The following GPATCH8 variants were observed in gnomAD, a reference collection of about 807,000 sequenced individuals.
GPATCH8 encodes G patch domain-containing protein 8.
In GPATCH8, 18 loss-of-function variants were observed where a neutral mutation model predicts 118.3. The ratio of observed to expected loss-of-function variants is 0.15; its 90% CI spans 0.11 to 0.23. The LOEUF is 0.23. Among genes scored for constraint, GPATCH8 ranks in the 10% least tolerant of loss-of-function variants. The pLI is 1.00. For synonymous variants in GPATCH8, 659 were observed against 684.7 expected (o/e 0.96, Z 0.59); for missense variants, 1,631 against 1,873.8 (o/e 0.87, Z 2.39).
At chr17:44,457,741 C>G (rs1372100107) in intron 3 of GPATCH8, among the ~76,000 whole-genome samples, 2 of 151,564 alleles carry the variant, frequency 1.3e-5, no homozygotes, top group African/African-American at 4.8e-5. Flanking sequence ...CGAGACCAGC[C>G]TGGAAGACTA....
Position 44,400,227 on chromosome 17 carries a change from A to G in GPATCH8, c.1850T>C (p.Val617Ala). Residue 617 changes from valine (V) to alanine (A), a missense_variant, in exon 8 of 8, where the codon GTG becomes GCG. This residue lies in a region of GPATCH8 where 6 missense variants were observed against 16.3 expected (regional missense o/e 0.37). Transcript: ENST00000591680. ...DPGEPNKSKEVGGEKIVRSSG... is the reference protein window; with the variant it reads ...DPGEPNKSKEAGGEKIVRSSG... Reference sequence around the variant, plus strand: ...GGAACGTACTATTTTCTCTCCGCCCACTTCCTTGCTTTTATTTGGCTCACC... The same window carrying G: ...GGAACGTACTATTTTCTCTCCGCCCGCTTCCTTGCTTTTATTTGGCTCACC... 1 of 1,613,718 alleles carries G rather than the reference A, an allele frequency of 6.2e-7. No individual in the cohort carries two copies. The highest frequency in any genetic ancestry group is 8.5e-7 in the Non-Finnish European group (1 of 1,179,944).
intron 6 of GPATCH8, among the ~76,000 whole-genome samples, chr17:44,409,828 T>C (rs1407894386): frequency 2.0e-5 from 3 of 152,232 alleles, no homozygotes; most frequent in Non-Finnish European, 4.4e-5. Flanking sequence ...CTTATCTTTA[T>C]AATCAACCCC....
chr17:44,491,048 TAG>T (rs1969206413), intron 1 of GPATCH8, among the ~76,000 whole-genome samples: 1 of 152,174 alleles, frequency 6.6e-6, no homozygotes, highest in East Asian at 1.9e-4. Flanking sequence ...TAGAAATTAG[TAG>T]AGACAAATTA....
intron 6 of GPATCH8, among the ~76,000 whole-genome samples, chr17:44,411,138 C>T (rs913731411): frequency 6.6e-6 from 1 of 152,146 alleles, no homozygotes; most frequent in African/African-American, 2.4e-5. Context: ...CAGAAACATT[C>T]TGCTCAGTGT....
intron 3 of GPATCH8, among the ~76,000 whole-genome samples, chr17:44,452,586 T>A (rs930229881): frequency 2.0e-5 from 3 of 152,258 alleles, no homozygotes; most frequent in Non-Finnish European, 2.9e-5. Flanking sequence ...CTCTTTCAAG[T>A]CCTTATCTAT....
intron 6 of GPATCH8, among the ~76,000 whole-genome samples, chr17:44,412,000 G>A (rs563892355): frequency 2.0e-4 from 30 of 152,178 alleles, no homozygotes; most frequent in African/African-American, 6.5e-4. Flanking sequence ...TCAGCTCACC[G>A]CAACCTCTGC....
intron 1 of GPATCH8, among the ~76,000 whole-genome samples, chr17:44,491,925 TC>T (rs1399882445): frequency 9.2e-5 from 14 of 152,218 alleles, no homozygotes; most frequent in African/African-American, 3.1e-4. Context: ...AAAGAAAATG[TC>T]CCAGGAGAAA....
chr17:44,497,699 G>T (rs575148708), intron 1 of GPATCH8, among the ~76,000 whole-genome samples: 8 of 148,446 alleles, frequency 5.4e-5, no homozygotes, highest in South Asian at 2.2e-4. Context: ...CAGCACTTTG[G>T]GGGGCTGAGG....
chr17:44,431,109 G>A (rs1448796737), intron 5 of GPATCH8, among the ~76,000 whole-genome samples: 5 of 151,534 alleles, frequency 3.3e-5, no homozygotes, highest in Non-Finnish European at 7.4e-5. Context: ...AGTGGCTCAC[G>A]CCTGTAATCC....
chr17:44,494,013 A>G (rs543684951), intron 1 of GPATCH8, among the ~76,000 whole-genome samples: 6 of 152,284 alleles, frequency 3.9e-5, no homozygotes, highest in African/African-American at 1.2e-4. Context: ...CCTTTCCTAC[A>G]ATGATCTTGC....
intron 5 of GPATCH8, among the ~76,000 whole-genome samples, chr17:44,433,051 T>A (rs1400323825): frequency 6.6e-6 from 1 of 152,090 alleles, no homozygotes; most frequent in Non-Finnish European, 1.5e-5. Flanking sequence ...TCTTGCTACA[T>A]TGCCCAGACT....
intron 3 of GPATCH8, among the ~76,000 whole-genome samples, chr17:44,447,455 C>G (rs1396505002): frequency 6.6e-6 from 1 of 152,100 alleles, no homozygotes; most frequent in Non-Finnish European, 1.5e-5. Context: ...CCGCACCCAG[C>G]CAATAAACTT....
At position 44,395,808 on chromosome 17, in the gene GPATCH8, AAT is replaced by A. The variant is rs2048759730; in HGVS notation, c.*1758_*1759del. On this transcript the variant is annotated 3_prime_UTR_variant, in exon 8 of 8. Transcript: ENST00000591680. ...CCAACCAACCAATTCTAGCCACACG[AAT>A]AGTTAGGAAAATGCCAAAGTGGGAA... The A allele has an allele frequency of 2.2e-6, 1 of 454,010 alleles. No homozygotes were observed. The highest frequency in any genetic ancestry group is 1.6e-5 in the South Asian group (1 of 64,484). 28.1% of individuals were successfully genotyped at this position (454,010 alleles called of 1,614,324 possible).
In GPATCH8 at chr17:44,397,906, T is replaced by TGGCGGCAGCAGC. The variant is rs1567920331; in HGVS notation, c.4159_4170dup (p.Ala1387_Ala1390dup). On this transcript the variant is annotated inframe_insertion, in exon 8 of 8. Coordinates refer to ENST00000591680, the MANE Select transcript of GPATCH8 (RefSeq NM_001002909.4). The stretch of plus-strand genomic sequence containing the variant: ...GGATGGGGGTGAGGGTGAATGCCGA[T>TGGCGGCAGCAGC]GGCGGCAGCAGCTGCGGCAGCATGA... 2.5e-6 allele frequency: 4 copies of TGGCGGCAGCAGC among 1,611,674 alleles called. No individual in the cohort carries two copies. The African/African-American group carries it at 5.3e-5, about 22-fold the overall frequency.
chr17:44,471,749 G>A (rs1967294324), intron 2 of GPATCH8, among the ~76,000 whole-genome samples: 1 of 151,804 alleles, frequency 6.6e-6, no homozygotes, highest in African/African-American at 2.4e-5. Context: ...TTATTTAGTG[G>A]GCATTCCTCA....
At chr17:44,463,336 TA>T (rs2051634256) in intron 3 of GPATCH8, among the ~76,000 whole-genome samples, 2 of 152,210 alleles carry the variant, frequency 1.3e-5, no homozygotes, top group Admixed American at 1.3e-4. Context: ...AGATGCCTAT[TA>T]TACAATAAGC....
rs398039127 is a variant in GPATCH8, at chr17:44,493,054, GT to G, written c.45+10271del. Among the ~76,000 whole-genome samples the G allele has an allele frequency of 1.0e-3, 128 of 124,364 alleles. 1 individual carries two copies. Among genetic ancestry groups the G allele is most frequent in the East Asian group, 1.6e-3 (7 of 4,326 alleles). The allele number at this position is 124,364 out of a possible 152,430, so 81.6% of individuals were successfully genotyped here. A position where few individuals can be genotyped will look rare whatever the true frequency, so the allele number is the denominator to read the frequency against. ...TAAACCAATGGTGGTAAGCCATTAGGTTTTTTTTTTTTTTTTTAAGACAGAG... is the reference window on the plus strand; with the variant it reads ...TAAACCAATGGTGGTAAGCCATTAGGTTTTTTTTTTTTTTTTAAGACAGAG... On this transcript the variant is annotated intron_variant, in intron 1 of 7. Coordinates refer to ENST00000591680, the MANE Select transcript of GPATCH8 (RefSeq NM_001002909.4).
chr17:44,431,637 A>C (rs2050319559), intron 5 of GPATCH8, among the ~76,000 whole-genome samples: 1 of 152,072 alleles, frequency 6.6e-6, no homozygotes, highest in African/African-American at 2.4e-5. Flanking sequence ...TTTGGCTCTA[A>C]GACTATATAC....
In GPATCH8 at chr17:44,395,676, TTG is replaced by T. The variant is rs754382178; in HGVS notation, c.*1890_*1891del. The T allele has an allele frequency of 4.4e-6, 2 of 453,884 alleles. No homozygotes were observed. The highest frequency in any genetic ancestry group is 8.8e-6 in the Non-Finnish European group (2 of 226,782). 28.1% of individuals were successfully genotyped at this position (453,884 alleles called of 1,614,324 possible). A position where few individuals can be genotyped will look rare whatever the true frequency, so the allele number is the denominator to read the frequency against. On this transcript the variant is annotated 3_prime_UTR_variant, in exon 8 of 8. Transcript: ENST00000591680. ...AGGAGGGTGGGAGGGCAGTCAAGAG[TTG>T]TGTTTGCCTGCCACTTTCTTTTCAT... is the stretch of plus-strand genomic sequence containing the variant.
Sources: allele counts gnomAD v4.1 joint callset (sites outside exome capture counted in the v4.1 genomes callset), GRCh38; gene constraint gnomAD v4.1.1; regional missense constraint gnomAD v4.1.1; transcripts MANE v1.5; gene names NCBI Gene and HGNC (gene_info 2026-07-23, HGNC 2026-07-21).